ODAD2: variants seen among roughly 807,000 people sequenced by gnomAD.
ODAD2 encodes outer dynein arm-docking complex subunit 2.
In ODAD2, 89 loss-of-function variants were observed where a neutral mutation model predicts 106.8. That is an observed-to-expected ratio of 0.83 (90% confidence interval 0.70 to 0.99). ODAD2 has a LOEUF of 0.99. Among genes scored for constraint, ODAD2 ranks in the 50% least tolerant of loss-of-function variants. The probability of loss-of-function intolerance (pLI) is 0.00; values close to 1 mark genes in which losing one functional copy is unlikely to be tolerated. For synonymous variants in ODAD2, 404 were observed against 436.2 expected (o/e 0.93, Z 0.92); for missense variants, 1,168 against 1,238.5 (o/e 0.94, Z 0.85).
intron 10 of ODAD2, among the ~76,000 whole-genome samples, chr10:27,960,767 A>G (rs1364769426): frequency 6.6e-6 from 1 of 152,232 alleles, no homozygotes; most frequent in Non-Finnish European, 1.5e-5. Context: ...GCCACTGGCA[A>G]ATGCCCTTGG....
intron 2 of ODAD2, among the ~76,000 whole-genome samples, chr10:27,993,662 T>G (rs551813627): frequency 5.9e-5 from 9 of 151,510 alleles, no homozygotes; most frequent in Non-Finnish European, 1.2e-4. Context: ...GAAAAAAAAA[T>G]AAATAAATAA....
chr10:27,873,843 G>A (rs1274250890), intron 17 of ODAD2, among the ~76,000 whole-genome samples: 1 of 152,206 alleles, frequency 6.6e-6, no homozygotes, highest in Non-Finnish European at 1.5e-5. Context: ...TTGATTTGGG[G>A]TGGAGAGTTC....
intron 16 of ODAD2, among the ~76,000 whole-genome samples, chr10:27,919,483 T>C (rs2133949213): frequency 6.6e-6 from 1 of 152,064 alleles, no homozygotes; most frequent in Admixed American, 6.5e-5. Flanking sequence ...AACAATCCAA[T>C]TAAAAATGGG....
At chr10:27,947,373 A>C (rs1590106269) in intron 10 of ODAD2, among the ~76,000 whole-genome samples, 1 of 152,102 alleles carries the variant, frequency 6.6e-6, no homozygotes, top group African/African-American at 2.4e-5. Context: ...GCTGAGGTAG[A>C]AGGATCGCTT....
chr10:27,821,477 G>A (rs149129409), intron 19 of ODAD2, among the ~76,000 whole-genome samples: 334 of 152,188 alleles, frequency 2.2e-3, no homozygotes, highest in African/African-American at 7.5e-3. Flanking sequence ...ATTTTCCTAC[G>A]AGCCTCACAA....
intron 12 of ODAD2, among the ~76,000 whole-genome samples, chr10:27,941,919 A>G (rs967966970): frequency 1.2e-4 from 19 of 152,162 alleles, no homozygotes; most frequent in African/African-American, 4.6e-4. Flanking sequence ...CCCAATTCCA[A>G]GTTCCTGGGA....
intron 15 of ODAD2, among the ~76,000 whole-genome samples, chr10:27,935,658 T>G (rs2134090675): frequency 6.6e-6 from 1 of 152,034 alleles, no homozygotes; most frequent in South Asian, 2.1e-4. Flanking sequence ...CCTATTTGGG[T>G]TTAATAGGTC....
At chr10:27,985,343 C>A (rs890458247) in intron 3 of ODAD2, 132 bp from the exon 4 acceptor site, 2 of 728,476 alleles carry the variant, frequency 2.7e-6, no homozygotes, top group Non-Finnish European at 4.3e-6. Flanking sequence ...TCTAAACGAC[C>A]CAATTAGAAT....
chr10:27,983,843 A>G lies in ODAD2; in HGVS notation c.819T>C (p.Gly273=), dbSNP rs140601894. 3.1e-6 allele frequency: 5 copies of G among 1,613,250 alleles called. No homozygotes were observed. The highest frequency in any genetic ancestry group is 4.2e-6 in the Non-Finnish European group (5 of 1,179,800). Residue 273 remains glycine (G), a splice_region_variant and synonymous_variant, in exon 6 of 20, where the codon GGT becomes GGC. Transcript: ENST00000305242. The part of the protein sequence containing the change: ...TCSAGGVFLN[G]GKTDDEGDVN... ...GTTACGTTTTTAAAAATTTACTTACACCATTTAAAAATACTCCTCCTGCAC... is the reference window on the plus strand; with the variant it reads ...GTTACGTTTTTAAAAATTTACTTACGCCATTTAAAAATACTCCTCCTGCAC...
rs531159057 is a variant in ODAD2 at position 27,896,195 on chromosome 10, G to T, written c.2610+11468C>A. Among the ~76,000 whole-genome samples the T allele has an allele frequency of 4.6e-5, 7 of 152,278 alleles. No individual in the cohort carries two copies. In the East Asian group the frequency reaches 1.4e-3, roughly 29 times the overall value. ...ACTTTCTGATATTATACACGTCAAT[G>T]AAATTTTGTCCCTGCATATTTAGTT... On this transcript the variant is annotated intron_variant, in intron 17 of 19. Transcript: ENST00000305242.
intron 7 of ODAD2, among the ~76,000 whole-genome samples, chr10:27,977,535 C>T (rs1849272710): frequency 6.6e-6 from 1 of 151,986 alleles, no homozygotes; most frequent in South Asian, 2.1e-4. Flanking sequence ...CATGCCACTG[C>T]ACTCCAGCCT....
intron 19 of ODAD2, among the ~76,000 whole-genome samples, chr10:27,812,869 TCTAA>T (rs1318268963): frequency 6.6e-6 from 1 of 152,214 alleles, no homozygotes; most frequent in African/African-American, 2.4e-5. Flanking sequence ...TCTCTGGGTA[TCTAA>T]CTGCTATTTT....
intron 16 of ODAD2, among the ~76,000 whole-genome samples, chr10:27,931,505 G>C (rs1845616985): frequency 6.6e-6 from 1 of 151,324 alleles, no homozygotes; most frequent in Non-Finnish European, 1.5e-5. Flanking sequence ...AGCTCAATCA[G>C]GTCCTTCAGG....
intron 14 of ODAD2, among the ~76,000 whole-genome samples, chr10:27,938,091 A>AG (rs2134114167): frequency 6.6e-6 from 1 of 152,062 alleles, no homozygotes; most frequent in African/African-American, 2.4e-5. Flanking sequence ...TTACACCACC[A>AG]CACCTGGCTA....
At chr10:27,965,819 G>A (rs1848454110) in intron 9 of ODAD2, among the ~76,000 whole-genome samples, 1 of 152,164 alleles carries the variant, frequency 6.6e-6, no homozygotes, top group African/African-American at 2.4e-5. Flanking sequence ...TCATTGTGCT[G>A]CAATTATAAA....
At position 27,940,616 on chromosome 10, in the gene ODAD2, G is replaced by A; in HGVS notation, c.1933C>T (p.His645Tyr). The A allele has an allele frequency of 1.9e-6, 3 of 1,614,132 alleles. No individual in the cohort carries two copies. The highest frequency in any genetic ancestry group is 2.5e-6 in the Non-Finnish European group (3 of 1,179,996). ...ACCACTGGAATTAGCATGTTTTCAT[G>A]AGAAGTCTTCAGCAGCCGAGCCAAC... ...PLLARLLKTSHENMLIPVVGT... is the reference protein window; with the variant it reads ...PLLARLLKTSYENMLIPVVGT... Residue 645 changes from histidine to tyrosine, a missense_variant, in exon 13 of 20, where the codon CAT becomes TAT. Transcript: ENST00000305242.
Position 27,936,845 on chromosome 10 carries a change from C to A in ODAD2, c.2133G>T (p.Arg711Ser), listed in dbSNP as rs752577298. 6.2e-7 allele frequency: 1 copy of A among 1,612,836 alleles called. No individual in the cohort carries two copies. The highest frequency in any genetic ancestry group is 8.5e-7 in the Non-Finnish European group (1 of 1,179,630). ...AEDKETRDLV[R>S]LHGGLKPLAS... ...CCAAGGGCTTAAGTCCTCCGTGCAG[C>A]CTAACGAGGTCCCGGGTTTCCTTAT... The change falls in exon 15 of 20, where the codon AGG becomes AGT. Residue 711 changes from arginine to serine, a missense_variant. Arg to Ser is a moderately radical substitution (Grantham distance 110). Coordinates refer to ENST00000305242, the MANE Select transcript of ODAD2 (RefSeq NM_018076.5).
chr10:27,967,350 A>G (rs1240607076), intron 9 of ODAD2, among the ~76,000 whole-genome samples: 4 of 152,020 alleles, frequency 2.6e-5, no homozygotes, highest in Non-Finnish European at 4.4e-5. Context: ...CCGAACTGTG[A>G]TATCAGTAGA....
intron 19 of ODAD2, among the ~76,000 whole-genome samples, chr10:27,859,505 T>C (rs1839894293): frequency 6.6e-6 from 1 of 152,184 alleles, no homozygotes; most frequent in Admixed American, 6.5e-5. Context: ...ATATCTAGCA[T>C]ATCTAGATTT....
Sources: gnomAD v4.1 joint callset for allele counts (sites outside exome capture counted in the v4.1 genomes callset) on GRCh38, gnomAD v4.1.1 for gene constraint, MANE v1.5 for transcripts, NCBI Gene and HGNC (gene_info 2026-07-23, HGNC 2026-07-21) for gene names.